GRM1: variants seen among roughly 807,000 people sequenced by gnomAD.
GRM1 encodes metabotropic glutamate receptor 1.
GRM1 carries 33 observed loss-of-function variants against 90.9 expected under a neutral mutation model. That is an observed-to-expected ratio of 0.36 (90% CI 0.28 to 0.49). The LOEUF (loss-of-function observed/expected upper bound fraction) is 0.49, where lower values mean the gene tolerates loss of function less well. Ranked by LOEUF, GRM1 falls within the 20% of genes least tolerant of loss-of-function variation. The pLI is 0.99. For synonymous variants in GRM1, 700 were observed against 613.2 expected (o/e 1.14, Z -2.09); for missense variants, 1,190 against 1,534.3 (o/e 0.78, Z 3.75).
At chr6:146,053,521 G>A (rs1488834706) in intron 1 of GRM1, among the ~76,000 whole-genome samples, 4 of 152,046 alleles carry the variant, frequency 2.6e-5, no homozygotes, top group Middle Eastern at 6.3e-3. Context: ...TTTTGCAGAT[G>A]AGGAAGTTAA....
intron 1 of GRM1, among the ~76,000 whole-genome samples, chr6:146,035,720 A>G (rs1361869189): frequency 2.0e-5 from 3 of 152,010 alleles, no homozygotes; most frequent in Non-Finnish European, 4.4e-5. Flanking sequence ...AAAAAATATA[A>G]GGCCATTTAT....
intron 3 of GRM1, among the ~76,000 whole-genome samples, chr6:146,338,926 T>C (rs1477818612): frequency 2.6e-5 from 4 of 152,192 alleles, no homozygotes; most frequent in African/African-American, 7.2e-5. Context: ...ATAGCCATCT[T>C]ATGCCCAGCC....
At chr6:146,234,841 C>G (rs1212597769) in intron 2 of GRM1, among the ~76,000 whole-genome samples, 1 of 152,156 alleles carries the variant, frequency 6.6e-6, no homozygotes, top group Non-Finnish European at 1.5e-5. Context: ...CTCCCAGGCT[C>G]AAGCAATTCT....
intron 5 of GRM1, among the ~76,000 whole-genome samples, chr6:146,378,834 G>A (rs937408906): frequency 2.0e-5 from 3 of 152,090 alleles, no homozygotes; most frequent in Admixed American, 6.5e-5. Flanking sequence ...TGAATCATGA[G>A]GTCCAGTCTT....
intron 3 of GRM1, among the ~76,000 whole-genome samples, chr6:146,341,989 C>T (rs1162168041): frequency 6.6e-6 from 1 of 152,058 alleles, no homozygotes. Context: ...GTGTATTTAC[C>T]CCTAGAAGAG....
rs1018853084 is a variant in GRM1, at chr6:146,029,368, A to C, written c.-150A>C. 1.4e-6 allele frequency: 1 copy of C among 721,276 alleles called. No individual in the cohort carries two copies. The highest frequency in any genetic ancestry group is 2.0e-5 in the Admixed American group (1 of 49,826). 44.7% of individuals were successfully genotyped at this position (721,276 alleles called of 1,614,324 possible). ...ACGAAGGGGAAGGAGGCGGTGGTGG[A>C]GGAGGCAAAGGCCTTGGACGACCAT... On this transcript the variant is annotated 5_prime_UTR_variant, in exon 1 of 8. Coordinates refer to ENST00000282753, the MANE Select transcript of GRM1 (RefSeq NM_001278064.2).
intron 2 of GRM1, among the ~76,000 whole-genome samples, chr6:146,242,668 G>A (rs1027917938): frequency 4.6e-5 from 7 of 152,050 alleles, no homozygotes; most frequent in Admixed American, 1.3e-4. Flanking sequence ...CATTACCTGA[G>A]AGGTAGTAGG....
chr6:146,154,466 G>A (rs1583080493), intron 1 of GRM1, among the ~76,000 whole-genome samples: 1 of 152,130 alleles, frequency 6.6e-6, no homozygotes, highest in East Asian at 1.9e-4. Context: ...TGTTTCCACA[G>A]TCTTTGGAGC....
chr6:146,172,632 T>G (rs1778177173), intron 2 of GRM1, among the ~76,000 whole-genome samples: 1 of 152,040 alleles, frequency 6.6e-6, no homozygotes, highest in Non-Finnish European at 1.5e-5. Context: ...AGTAAGAATC[T>G]TAAAGCTATA....
At chr6:146,311,549 C>G (rs1165671134) in intron 3 of GRM1, among the ~76,000 whole-genome samples, 1 of 152,164 alleles carries the variant, frequency 6.6e-6, no homozygotes, top group African/African-American at 2.4e-5. Flanking sequence ...TTGATTGGCA[C>G]TGCCAAATGT....
At chr6:146,274,383 A>G (rs973343471) in intron 2 of GRM1, among the ~76,000 whole-genome samples, 2 of 152,212 alleles carry the variant, frequency 1.3e-5, no homozygotes, top group African/African-American at 4.8e-5. Flanking sequence ...GAATACTGCA[A>G]AGAATATCAC....
chr6:146,229,554 T>A (rs1371819282), intron 2 of GRM1, among the ~76,000 whole-genome samples: 2 of 151,996 alleles, frequency 1.3e-5, no homozygotes, highest in Non-Finnish European at 2.9e-5. Flanking sequence ...CTTTACCCAC[T>A]GAGTAAACTT....
At chr6:146,141,438 G>A (rs1583062172) in intron 1 of GRM1, among the ~76,000 whole-genome samples, 3 of 151,794 alleles carry the variant, frequency 2.0e-5, no homozygotes, top group Admixed American at 2.0e-4. Context: ...CTCTTGGTTT[G>A]GGAAGTTCTC....
At chr6:146,398,657 G>A (rs966398121) in intron 6 of GRM1, 112 bp from the exon 7 acceptor site, 2 of 814,890 alleles carry the variant, frequency 2.5e-6, no homozygotes, top group African/African-American at 3.3e-5. Flanking sequence ...AGCATTAAAT[G>A]CTGTAAATCA....
chr6:146,101,938 C>T (rs1777066232), intron 1 of GRM1, among the ~76,000 whole-genome samples: 3 of 151,712 alleles, frequency 2.0e-5, no homozygotes, highest in Admixed American at 2.0e-4. Context: ...TGGGGCAGCA[C>T]TTTAGAGCCA....
Position 146,412,391 on chromosome 6 carries a change from A to C in GRM1, c.2660+12692A>C, listed in dbSNP as rs191396508. On this transcript the variant is annotated intron_variant, in intron 7 of 7. Transcript: ENST00000282753. ...GGCCCTTGGAAAACCCTTCATTAGGAATGTGCAGTCTTTGGGGTTCATAGC... is the reference window on the plus strand; with the variant it reads ...GGCCCTTGGAAAACCCTTCATTAGGCATGTGCAGTCTTTGGGGTTCATAGC... Among the ~76,000 whole-genome samples the C allele has an allele frequency of 1.5e-3, 231 of 152,244 alleles. 6 individuals carry two copies. Among genetic ancestry groups the C allele is most frequent in the East Asian group, 7.7e-4 (4 of 5,176 alleles).
intron 2 of GRM1, among the ~76,000 whole-genome samples, chr6:146,247,401 C>T (rs1781097179): frequency 6.6e-6 from 1 of 152,068 alleles, no homozygotes; most frequent in Admixed American, 6.6e-5. Context: ...AGTGAAACAA[C>T]TTGAAAATAA....
At chr6:146,146,495 G>A (rs368426069) in intron 1 of GRM1, among the ~76,000 whole-genome samples, 1 of 152,194 alleles carries the variant, frequency 6.6e-6, no homozygotes, top group East Asian at 1.9e-4. Context: ...AAGACTTTGG[G>A]GTGATGGGAT....
At chr6:146,061,061 T>C (rs189225280) in intron 1 of GRM1, among the ~76,000 whole-genome samples, 76 of 152,158 alleles carry the variant, frequency 5.0e-4, no homozygotes, top group Non-Finnish European at 8.8e-4. Flanking sequence ...GAAAGGCCTG[T>C]GGAGAGGGAG....
Sources: gnomAD v4.1 joint callset for allele counts (sites outside exome capture counted in the v4.1 genomes callset) on GRCh38, gnomAD v4.1.1 for gene constraint, MANE v1.5 for transcripts, NCBI Gene and HGNC (gene_info 2026-07-23, HGNC 2026-07-21) for gene names.